The following TRPV4 variants were observed in gnomAD, a reference collection of about 807,000 sequenced individuals.
The protein encoded by TRPV4 is transient receptor potential cation channel subfamily V member 4, also known as OSM9-like transient receptor potential channel 4.
In TRPV4, 58 loss-of-function variants were observed where a neutral mutation model predicts 84.1. That is an observed-to-expected ratio of 0.69 (90% confidence interval 0.56 to 0.86). The LOEUF (loss-of-function observed/expected upper bound fraction) is 0.86. Among genes scored for constraint, TRPV4 ranks in the 40% least tolerant of loss-of-function variants. The probability of loss-of-function intolerance (pLI) is 0.00; values close to 1 mark genes in which losing one functional copy is unlikely to be tolerated. For synonymous variants in TRPV4, 489 were observed against 500.9 expected, an observed-to-expected ratio of 0.98 and a Z score of 0.32; for missense variants, 879 against 1,181.1, an observed-to-expected ratio of 0.74 and a Z score of 3.75.
rs556168271 is a variant in TRPV4 at position 109,814,984 on chromosome 12, G to T, written c.-31-157C>A. The T allele has an allele frequency of 5.2e-5, 36 of 690,376 alleles. No homozygotes were observed. In the Admixed American group the frequency reaches 6.2e-4, roughly 12 times the overall value. The allele number at this position is 690,376 out of a possible 1,614,324, so 42.8% of individuals were successfully genotyped here. ...GGGAGGCCACTCCCAGATGTGGTTGGCCGCCAGCCTCAGGCGGGAACTGCA... is the reference window on the plus strand; with the variant it reads ...GGGAGGCCACTCCCAGATGTGGTTGTCCGCCAGCCTCAGGCGGGAACTGCA... On this transcript the variant is annotated intron_variant, in intron 1 of 15. Coordinates refer to ENST00000261740, the MANE Select transcript of TRPV4 (RefSeq NM_021625.5). The surrounding 1 kb of genome is among the most constrained non-coding windows in gnomAD (Gnocchi z 5.4).
chr12:109,826,220 C>T (rs1168261515), intron 1 of TRPV4, among the ~76,000 whole-genome samples: 1 of 152,174 alleles, frequency 6.6e-6, no homozygotes, highest in African/African-American at 2.4e-5. Context: ...GATGGAGTCT[C>T]ACTCTACTGC....
At chr12:109,829,943 G>A (rs1751246457) in intron 1 of TRPV4, among the ~76,000 whole-genome samples, 1 of 152,192 alleles carries the variant, frequency 6.6e-6, no homozygotes, top group Non-Finnish European at 1.5e-5. Context: ...AGCCTCTCAA[G>A]TAGCTGGCAC....
In TRPV4 at chr12:109,814,049, A is replaced by C. The variant is rs1045374349; in HGVS notation, c.386+362T>G. 7.1e-6 allele frequency among the ~76,000 whole-genome samples: 1 copy of C among 140,412 alleles called. No individual in the cohort carries two copies. The highest frequency in any genetic ancestry group is 3.1e-5 in the African/African-American group (1 of 32,472). 92.1% of individuals were successfully genotyped at this position (140,412 alleles called of 152,430 possible). A position where few individuals can be genotyped will look rare whatever the true frequency, so the allele number is the denominator to read the frequency against. ...GGCTGGATGATGGATGGATGTATGG[A>C]TGGATGATATATGGATGGATGATAT... On this transcript the variant is annotated intron_variant, in intron 2 of 15. Transcript: ENST00000261740. The surrounding 1 kb of genome is among the most constrained non-coding windows in gnomAD (Gnocchi z 5.4).
Position 109,786,830 on chromosome 12 carries a change from G to A in TRPV4, c.2216C>T (p.Thr739Ile). ...GGAGCGCTCAATGTCCAGGATGGTG[G>A]TGGCCCACTGCGGGGAGGGAGGGTC... ...SKHIWKLQWATTILDIERSFP... is the reference protein window; with the variant it reads ...SKHIWKLQWAITILDIERSFP... The change falls in exon 14 of 16, where the codon ACC becomes ATC. Residue 739 changes from threonine to isoleucine, a missense_variant. This residue lies in a region of TRPV4 where 242 missense variants were observed against 355.3 expected (regional missense o/e 0.68). Coordinates refer to ENST00000261740, the MANE Select transcript of TRPV4 (RefSeq NM_021625.5). This position sits in a 1 kb window ranked among gnomAD's most constrained non-coding sequence, Gnocchi z 4.5. 5.0e-6 allele frequency: 8 copies of A among 1,613,664 alleles called. No homozygotes were observed. The highest frequency in any genetic ancestry group is 6.8e-6 in the Non-Finnish European group (8 of 1,179,832).
At chr12:109,789,988 C>T (rs1434997621) in intron 12 of TRPV4, among the ~76,000 whole-genome samples, 1 of 152,220 alleles carries the variant, frequency 6.6e-6, no homozygotes, top group African/African-American at 2.4e-5. Flanking sequence ...TAAGCTGCTA[C>T]TCTAACCCTT....
intron 3 of TRPV4, among the ~76,000 whole-genome samples, chr12:109,807,175 C>T (rs1891196129): frequency 6.6e-6 from 1 of 150,960 alleles, no homozygotes; most frequent in Non-Finnish European, 1.5e-5. Context: ...ACTTGGGAGG[C>T]TGAGGCAGGA....
Position 109,783,858 on chromosome 12 carries a change from T to C in TRPV4, c.2459-80A>G. 1 of 1,524,410 alleles carries C rather than the reference T, an allele frequency of 6.6e-7. No homozygotes were observed. The highest frequency in any genetic ancestry group is 1.2e-5 in the South Asian group (1 of 85,894). 94.4% of individuals were successfully genotyped at this position (1,524,410 alleles called of 1,614,324 possible). A position where few individuals can be genotyped will look rare whatever the true frequency, so the allele number is the denominator to read the frequency against. ...CGTATATTGAGTGCCTACTGTGTACTGGGCACTCCACAGTGTTCTGAAGGG... is the reference window on the plus strand; with the variant it reads ...CGTATATTGAGTGCCTACTGTGTACCGGGCACTCCACAGTGTTCTGAAGGG... On this transcript the variant is annotated intron_variant, in intron 15 of 15. Transcript: ENST00000261740. This position sits in a 1 kb window ranked among gnomAD's most constrained non-coding sequence, Gnocchi z 4.6.
intron 4 of TRPV4, among the ~76,000 whole-genome samples, chr12:109,800,987 T>C (rs1700511725): frequency 6.6e-6 from 1 of 152,240 alleles, no homozygotes; most frequent in African/African-American, 2.4e-5. Flanking sequence ...GAATCCTGAA[T>C]GTGAGAAGTT....
chr12:109,816,244 G>C (rs1215790899), intron 1 of TRPV4, among the ~76,000 whole-genome samples: 1 of 152,202 alleles, frequency 6.6e-6, no homozygotes, highest in Non-Finnish European at 1.5e-5. Flanking sequence ...GCTCCCACTG[G>C]GGGTGGGCTT....
At position 109,788,412 on chromosome 12, in the gene TRPV4, G is replaced by A; in HGVS notation, c.2196C>T (p.Ile732=). The part of the protein sequence containing the change: ...VGQVSKESKH[I]WKLQWATTIL... ...CCTGGGGCCTCACCTGCAGCTTCCA[G>A]ATGTGCTTGCTCTCCTTGGAGACCT... Residue 732 remains isoleucine, a synonymous_variant, in exon 13 of 16, where the codon ATC becomes ATT. Transcript: ENST00000261740. 6.2e-7 allele frequency: 1 copy of A among 1,613,916 alleles called. No individual in the cohort carries two copies.
Position 109,800,724 on chromosome 12 carries a change from G to A in TRPV4, c.747C>T (p.Arg249=), listed in dbSNP as rs1890726091. 2 of 1,613,946 alleles carry A rather than the reference G, an allele frequency of 1.2e-6. No individual in the cohort carries two copies. Among genetic ancestry groups the A allele is most frequent in the African/African-American group, 1.3e-5 (1 of 74,916 alleles). ...QTALHIAIER[R]CKHYVELLVA... The stretch of plus-strand genomic sequence containing the variant: ...CGAGAAGTTCCACGTAGTGTTTGCA[G>A]CGACGCTCAATGGCGATGTGCAGGG... Residue 249 remains arginine, a synonymous_variant, in exon 5 of 16, where the codon CGC becomes CGT. Transcript: ENST00000261740.
chr12:109,800,031 C>G (rs1184666354), intron 5 of TRPV4, among the ~76,000 whole-genome samples: 1 of 152,072 alleles, frequency 6.6e-6, no homozygotes, highest in African/African-American at 2.4e-5. Flanking sequence ...CAACCTCTGT[C>G]CCCCAGGTTC....
At chr12:109,804,510 C>T (rs573901046) in intron 3 of TRPV4, among the ~76,000 whole-genome samples, 36 of 152,168 alleles carry the variant, frequency 2.4e-4, no homozygotes, top group Non-Finnish European at 4.1e-4. Context: ...TTGATTAGCC[C>T]AGTACCAGGC....
At chr12:109,802,603 TC>T (rs1250206689) in intron 4 of TRPV4, among the ~76,000 whole-genome samples, 1 of 104,330 alleles carries the variant, frequency 9.6e-6, no homozygotes, top group Non-Finnish European at 1.8e-5. Context: ...CACCTGGCCT[TC>T]TTTTATTTTA....
At chr12:109,792,457 C>T (rs373431466) in intron 11 of TRPV4, 28 bp from the exon 12 acceptor site, 16 of 1,610,954 alleles carry the variant, frequency 9.9e-6, no homozygotes, top group Non-Finnish European at 1.4e-5. Flanking sequence ...ATTATGGAGG[C>T]AAAGAGGAGA....
At chr12:109,811,607 A>C (rs1461612254) in intron 2 of TRPV4, among the ~76,000 whole-genome samples, 1 of 151,956 alleles carries the variant, frequency 6.6e-6, no homozygotes, top group Non-Finnish European at 1.5e-5. Context: ...GCAGTAAGCC[A>C]AGATAGCGCC....
intron 3 of TRPV4, among the ~76,000 whole-genome samples, chr12:109,805,585 G>C (rs1437658889): frequency 6.6e-6 from 1 of 152,176 alleles, no homozygotes; most frequent in African/African-American, 2.4e-5. Context: ...GGGCGTCCCA[G>C]ACTTCCCTGA....
rs913515146 is a variant in TRPV4 at position 109,793,746 on chromosome 12, G to GA, written c.1585-147dup. ...AGGACTCTTTCCTGTTAGAAAAGGA[G>GA]AAAAAAGCAGAGATGGAGAACGTGG... On this transcript the variant is annotated intron_variant, in intron 9 of 15. Transcript: ENST00000261740. This position sits in a 1 kb window ranked among gnomAD's most constrained non-coding sequence, Gnocchi z 4.0. 9.8e-5 allele frequency: 85 copies of GA among 869,640 alleles called. No individual in the cohort carries two copies. The Middle Eastern group carries it at 1.7e-3, about 17-fold the overall frequency. 53.9% of individuals were successfully genotyped at this position (869,640 alleles called of 1,614,324 possible).
At chr12:109,797,181 T>A (rs1890456621) in intron 6 of TRPV4, among the ~76,000 whole-genome samples, 1 of 152,076 alleles carries the variant, frequency 6.6e-6, no homozygotes, top group African/African-American at 2.4e-5. Flanking sequence ...AGACAGAGTC[T>A]CTCTCTGTCA....
Sources: gnomAD v4.1 joint callset for allele counts (sites outside exome capture counted in the v4.1 genomes callset) on GRCh38, gnomAD v4.1.1 for gene constraint, gnomAD v4.1.1 regional missense constraint, Gnocchi (gnomAD v3.1) non-coding constraint, MANE v1.5 for transcripts, NCBI Gene and HGNC (gene_info 2026-07-23, HGNC 2026-07-21) for gene names.